Variants in C1orf21 observed in about 807,000 individuals in gnomAD.
C1orf21 encodes the protein chromosome 1 open reading frame 21.
A neutral mutation model predicts 18.7 loss-of-function variants in C1orf21; 3 were observed. That is an observed-to-expected ratio of 0.16 (90% CI 0.07 to 0.42). C1orf21 has a LOEUF of 0.42. Ranked by LOEUF, C1orf21 falls within the 10% of genes least tolerant of loss-of-function variation. The probability of loss-of-function intolerance (pLI) is 0.99; values close to 1 mark genes in which losing one functional copy is unlikely to be tolerated. For missense variants in C1orf21, 104 were observed against 143.6 expected, an observed-to-expected ratio of 0.72 and a Z score of 1.41; for synonymous variants, 41 against 46.4, an observed-to-expected ratio of 0.88 and a Z score of 0.47.
chr1:184,458,816 T>C (rs1055194896), intron 1 of C1orf21, among the ~76,000 whole-genome samples: 6 of 152,360 alleles, frequency 3.9e-5, no homozygotes, highest in Admixed American at 3.3e-4. Flanking sequence ...AACAAAATGG[T>C]GAAGGTAAAA....
chr1:184,497,718 G>T (rs937017485), intron 2 of C1orf21, among the ~76,000 whole-genome samples: 1 of 152,058 alleles, frequency 6.6e-6, no homozygotes, highest in Non-Finnish European at 1.5e-5. Flanking sequence ...TTCCTATTTC[G>T]TTAATGATTT....
At chr1:184,571,954 G>A (rs564199800) in intron 3 of C1orf21, among the ~76,000 whole-genome samples, 14 of 152,248 alleles carry the variant, frequency 9.2e-5, no homozygotes, top group Admixed American at 3.9e-4. Flanking sequence ...TTGTTATGAG[G>A]ATTGAATGAT....
chr1:184,492,780 G>A (rs141553235), intron 2 of C1orf21, among the ~76,000 whole-genome samples: 19 of 152,296 alleles, frequency 1.2e-4, no homozygotes, highest in African/African-American at 4.6e-4. Context: ...TTGGCTTTCT[G>A]TTTAAAGGTT....
intron 1 of C1orf21, among the ~76,000 whole-genome samples, chr1:184,462,777 A>T (rs1657327510): frequency 6.6e-6 from 1 of 152,078 alleles, no homozygotes; most frequent in African/African-American, 2.4e-5. Flanking sequence ...TCTCCATCCA[A>T]CATCAGAAGA....
intron 3 of C1orf21, among the ~76,000 whole-genome samples, chr1:184,536,787 C>T (rs1477698461): frequency 6.6e-6 from 1 of 151,726 alleles, no homozygotes; most frequent in Admixed American, 6.6e-5. Flanking sequence ...TGGAAGAAAG[C>T]CCAGCAGGGG....
intron 3 of C1orf21, among the ~76,000 whole-genome samples, chr1:184,518,915 A>G (rs1476409307): frequency 6.6e-6 from 1 of 152,030 alleles, no homozygotes; most frequent in Non-Finnish European, 1.5e-5. Flanking sequence ...TGGGAAACAG[A>G]TTTCAAGCAG....
At chr1:184,507,238 T>C (rs1658075622) in intron 2 of C1orf21, among the ~76,000 whole-genome samples, 1 of 152,196 alleles carries the variant, frequency 6.6e-6, no homozygotes, top group African/African-American at 2.4e-5. Context: ...TCTTGAATCT[T>C]ATCAGACAGT....
At position 184,607,768 on chromosome 1, in the gene C1orf21, GAGAA is replaced by G. The variant is rs554107405; in HGVS notation, c.327+9311_327+9314del. On this transcript the variant is annotated intron_variant, in intron 5 of 5. Transcript: ENST00000235307. ...GTGTGTATATATATACATATATAGA[GAGAA>G]AGAGTCACAATTATAGATTTCAAAT... Among the ~76,000 whole-genome samples the G allele has an allele frequency of 1.3e-4, 20 of 150,652 alleles. No individual in the cohort carries two copies. The South Asian group carries it at 3.4e-3, about 26-fold the overall frequency.
At position 184,445,307 on chromosome 1, in the gene C1orf21, A is replaced by G. The variant is rs1657010981; in HGVS notation, c.-124-32079A>G. ...TTTCAGAGAAAGTTTTTAGAATATA[A>G]AATGTTATAATGTAAAACCACGCCC... On this transcript the variant is annotated intron_variant, in intron 1 of 5. Coordinates refer to ENST00000235307, the MANE Select transcript of C1orf21 (RefSeq NM_030806.4). 2.0e-5 allele frequency among the ~76,000 whole-genome samples: 3 copies of G among 151,648 alleles called. No homozygotes were observed. In the South Asian group the frequency reaches 6.3e-4, roughly 32 times the overall value.
At chr1:184,456,524 T>A (rs115976532) in intron 1 of C1orf21, among the ~76,000 whole-genome samples, 1 of 152,218 alleles carries the variant, frequency 6.6e-6, no homozygotes, top group Non-Finnish European at 1.5e-5. Context: ...AAGGTTATGA[T>A]ATGTTTATAT....
rs573942628 is a variant in C1orf21 at position 184,407,048 on chromosome 1, G to A, written c.-125+19680G>A. Among the ~76,000 whole-genome samples, 3 of 152,146 alleles carry A rather than the reference G, an allele frequency of 2.0e-5. No homozygotes were observed. The East Asian group carries it at 5.8e-4, about 29-fold the overall frequency. On this transcript the variant is annotated intron_variant, in intron 1 of 5. Transcript: ENST00000235307. Reference sequence around the variant, plus strand: ...AGTGGCTCAATCATAGTAGCTTACTGCAGCCTCAGGCTCCTGGGCTCAAGT... The same window carrying A: ...AGTGGCTCAATCATAGTAGCTTACTACAGCCTCAGGCTCCTGGGCTCAAGT...
intron 3 of C1orf21, among the ~76,000 whole-genome samples, chr1:184,541,877 G>A (rs1658657210): frequency 6.6e-6 from 1 of 152,166 alleles, no homozygotes; most frequent in Admixed American, 6.5e-5. Context: ...TGAGTGGGAA[G>A]GTGACAGGAT....
chr1:184,456,736 C>T (rs955124110), intron 1 of C1orf21, among the ~76,000 whole-genome samples: 3 of 152,200 alleles, frequency 2.0e-5, no homozygotes, highest in African/African-American at 7.2e-5. Context: ...CCGATAGGCA[C>T]ACTTTGTAAC....
chr1:184,590,322 A>C (rs1029627962), intron 3 of C1orf21, among the ~76,000 whole-genome samples: 10 of 152,218 alleles, frequency 6.6e-5, no homozygotes, highest in Non-Finnish European at 1.3e-4. Context: ...CCTTCAGCAA[A>C]CTTTACATCT....
At chr1:184,570,142 AAT>A (rs1659088981) in intron 3 of C1orf21, among the ~76,000 whole-genome samples, 1 of 152,152 alleles carries the variant, frequency 6.6e-6, no homozygotes, top group Non-Finnish European at 1.5e-5. Context: ...ATAAGATTTA[AAT>A]ATATATTTTT....
chr1:184,574,261 C>T (rs1659154800), intron 3 of C1orf21, among the ~76,000 whole-genome samples: 1 of 152,122 alleles, frequency 6.6e-6, no homozygotes, highest in South Asian at 2.1e-4. Context: ...CATCGGAAGA[C>T]TCAAACATTT....
intron 3 of C1orf21, chr1:184,568,418 CT>C (rs1659064670): frequency 2.1e-6 from 1 of 470,482 alleles, no homozygotes; most frequent in Non-Finnish European, 4.4e-6. Flanking sequence ...CACCATTCTA[CT>C]TTCTGTCTCC....
chr1:184,396,205 A>G (rs1332230909), intron 1 of C1orf21, among the ~76,000 whole-genome samples: 1 of 152,198 alleles, frequency 6.6e-6, no homozygotes, highest in Admixed American at 6.5e-5. Flanking sequence ...ATAAGCAGTG[A>G]GGGTCACTGA....
chr1:184,625,925 A>G lies in C1orf21; in HGVS notation c.*6369A>G, dbSNP rs1489994694. 6.6e-6 allele frequency: 1 copy of G among 152,150 alleles called. No homozygotes were observed. Among genetic ancestry groups the G allele is most frequent in the Non-Finnish European group, 1.5e-5 (1 of 68,058 alleles). 9.4% of individuals were successfully genotyped at this position (152,150 alleles called of 1,614,324 possible). ...CGGCGTGTGCCTGGTCCAGCCACAT[A>G]CAGCCACCACATGTGTCACACACTG... On this transcript the variant is annotated 3_prime_UTR_variant, in exon 6 of 6. Coordinates refer to ENST00000235307, the MANE Select transcript of C1orf21 (RefSeq NM_030806.4).
Sources: gnomAD v4.1 joint callset for allele counts (sites outside exome capture counted in the v4.1 genomes callset) on GRCh38, gnomAD v4.1.1 for gene constraint, MANE v1.5 for transcripts, NCBI Gene and HGNC (gene_info 2026-07-23, HGNC 2026-07-21) for gene names.